CXCL16: variants seen among roughly 807,000 people sequenced by gnomAD.
CXCL16 encodes the protein C-X-C motif chemokine 16.
In CXCL16, 18 loss-of-function variants were observed where a neutral mutation model predicts 23.8. The ratio of observed to expected loss-of-function variants is 0.76; its 90% CI spans 0.52 to 1.12. CXCL16 has a LOEUF of 1.12. CXCL16 is among the 50% of genes most tolerant of loss of function. The probability of loss-of-function intolerance (pLI) is 0.00; values close to 1 mark genes in which losing one functional copy is unlikely to be tolerated. For synonymous variants in CXCL16, 123 were observed against 132.5 expected (o/e 0.93, Z 0.49); for missense variants, 297 against 315.4 (o/e 0.94, Z 0.44).
At chr17:4,734,511 T>A in intron 5 of CXCL16, 32 bp from the exon 6 acceptor site, 1 of 1,012,448 alleles carries the variant, frequency 9.9e-7, no homozygotes, top group Non-Finnish European at 1.6e-6. Context: ...CAAGTATGTA[T>A]ACAGTGCCTA....
In CXCL16 at chr17:4,735,106, G is replaced by A. The variant is rs754219984; in HGVS notation, c.704C>T (p.Pro235Leu). The A allele has an allele frequency of 2.9e-5, 47 of 1,609,268 alleles. No individual in the cohort carries two copies. Among genetic ancestry groups the A allele is most frequent in the African/African-American group, 1.2e-4 (9 of 74,858 alleles). The change falls in exon 4 of 6, where the codon CCG becomes CTG. Residue 235 changes from proline (P) to leucine (L), a missense_variant. By Grantham distance (98) the Pro-to-Leu change is moderately conservative (BLOSUM62 -3). Transcript: ENST00000293778. ...GTCCAGTTTACCTGGAGAGGACTGC[G>A]GTGACTGCCCCCTCCTCCTCTTGCA... is the stretch of plus-strand genomic sequence containing the variant. ...VLCKRRRGQSPQSSPDLPVHY... is the reference protein window; with the variant it reads ...VLCKRRRGQSLQSSPDLPVHY...
Position 4,739,254 on chromosome 17 carries a change from G to C in CXCL16, c.79+7C>G. On this transcript the variant is annotated splice_region_variant and intron_variant, in intron 1 of 5. Transcript: ENST00000293778. This position sits in a 1 kb window ranked among gnomAD's most constrained non-coding sequence, Gnocchi z 5.3. ...AATCTGGGTCCCCTGCCCCGCCCCC[G>C]GCTAACCTGGCTGAGTCAGGTACAC... 1 of 1,593,244 alleles carries C rather than the reference G, an allele frequency of 6.3e-7. No homozygotes were observed.
chr17:4,734,755 G>A lies in CXCL16; in HGVS notation c.719-103C>T, dbSNP rs1597497816. 5 of 1,002,826 alleles carry A rather than the reference G, an allele frequency of 5.0e-6. No homozygotes were observed. In the East Asian group the frequency reaches 1.2e-4, roughly 24 times the overall value. The allele number at this position is 1,002,826 out of a possible 1,614,324, so 62.1% of individuals were successfully genotyped here. On this transcript the variant is annotated intron_variant, in intron 4 of 5. Transcript: ENST00000293778. ...AATCAGATGAAGACATCAACACTAT[G>A]ACCTGGCCCACAGTAGGTGCTCAGT...
At chr17:4,734,503 A>C (rs1470392988) in intron 5 of CXCL16, 24 bp from the exon 6 acceptor site, 1 of 921,112 alleles carries the variant, frequency 1.1e-6, no homozygotes, top group African/African-American at 1.6e-5. Flanking sequence ...AACAAAAACA[A>C]GTATGTATAC....
chr17:4,739,374 A>T lies in CXCL16; in HGVS notation c.-35T>A. Reference sequence around the variant, plus strand: ...CCGCGGACTCTGCGGGGATGGAGCCACCTCGCTCTGACTCCCAGACATGCT... The same window carrying T: ...CCGCGGACTCTGCGGGGATGGAGCCTCCTCGCTCTGACTCCCAGACATGCT... On this transcript the variant is annotated 5_prime_UTR_variant, in exon 1 of 6. Coordinates refer to ENST00000293778, the MANE Select transcript of CXCL16 (RefSeq NM_001386809.1). The surrounding 1 kb of genome is among the most constrained non-coding windows in gnomAD (Gnocchi z 5.3). 3 of 1,612,102 alleles carry T rather than the reference A, an allele frequency of 1.9e-6. No individual in the cohort carries two copies. Among genetic ancestry groups the T allele is most frequent in the Non-Finnish European group, 2.5e-6 (3 of 1,179,580 alleles).
In CXCL16 at chr17:4,739,133, G is replaced by A; in HGVS notation, c.79+128C>T. 1 of 1,321,292 alleles carries A rather than the reference G, an allele frequency of 7.6e-7. No individual in the cohort carries two copies. Among genetic ancestry groups the A allele is most frequent in the Non-Finnish European group, 1.0e-6 (1 of 964,604 alleles). 81.8% of individuals were successfully genotyped at this position (1,321,292 alleles called of 1,614,324 possible). ...GGGCCTCTGTCCCCAACCCCAGGCG[G>A]CTGGCTGGCTTTCCTCTTGTCCCCG... On this transcript the variant is annotated intron_variant, in intron 1 of 5. Coordinates refer to ENST00000293778, the MANE Select transcript of CXCL16 (RefSeq NM_001386809.1). The surrounding 1 kb of genome is among the most constrained non-coding windows in gnomAD (Gnocchi z 5.3).
In CXCL16 at chr17:4,738,634, T is replaced by G; in HGVS notation, c.219-144A>C. On this transcript the variant is annotated intron_variant, in intron 2 of 5. Transcript: ENST00000293778. This position sits in a 1 kb window ranked among gnomAD's most constrained non-coding sequence, Gnocchi z 4.0. ...CTCCCCAGTAGGTGAGACGGAGTCA[T>G]GAAGTTTCGGGGAATGAGAGCAAAC... The G allele has an allele frequency of 9.8e-7, 1 of 1,022,392 alleles. No homozygotes were observed. The highest frequency in any genetic ancestry group is 1.4e-6 in the Non-Finnish European group (1 of 696,014). The allele number at this position is 1,022,392 out of a possible 1,614,324, so 63.3% of individuals were successfully genotyped here.
At chr17:4,737,729 AATATAC>A (rs1374394892) in intron 3 of CXCL16, among the ~76,000 whole-genome samples, 4 of 151,260 alleles carry the variant, frequency 2.6e-5, no homozygotes, top group Admixed American at 1.3e-4. Context: ...AAATATGTAA[AATATAC>A]ATATATAAAT....
At position 4,739,599 on chromosome 17, in the gene CXCL16, C is replaced by T. The variant is rs1468298752; in HGVS notation, c.-260G>A. 2.3e-5 allele frequency: 15 copies of T among 660,796 alleles called. No homozygotes were observed. In the South Asian group the frequency reaches 2.8e-4, roughly 12 times the overall value. The allele number at this position is 660,796 out of a possible 1,614,324, so 40.9% of individuals were successfully genotyped here. Reference sequence around the variant, plus strand: ...GTGGAGCTCCCGCGCCCTGCGCCCCCGCACTGGGCCCGGCTCCGTCGAGGG... The same window carrying T: ...GTGGAGCTCCCGCGCCCTGCGCCCCTGCACTGGGCCCGGCTCCGTCGAGGG... On this transcript the variant is annotated 5_prime_UTR_variant, in exon 1 of 6. Coordinates refer to ENST00000293778, the MANE Select transcript of CXCL16 (RefSeq NM_001386809.1). This position sits in a 1 kb window ranked among gnomAD's most constrained non-coding sequence, Gnocchi z 5.3.
In CXCL16 at chr17:4,738,702, G is replaced by A. The variant is rs1439186266; in HGVS notation, c.218+80C>T. ...CTCGGTGAGCCGGGAAGGAGTTCAG[G>A]CTGGACCAGAGAGGGTCCTGGAGGC... is the stretch of plus-strand genomic sequence containing the variant. On this transcript the variant is annotated intron_variant, in intron 2 of 5. Transcript: ENST00000293778. The surrounding 1 kb of genome is among the most constrained non-coding windows in gnomAD (Gnocchi z 4.0). The A allele has an allele frequency of 1.9e-5, 28 of 1,456,536 alleles. No individual in the cohort carries two copies. Among genetic ancestry groups the A allele is most frequent in the Admixed American group, 1.2e-4 (6 of 50,862 alleles). The allele number at this position is 1,456,536 out of a possible 1,614,324, so 90.2% of individuals were successfully genotyped here.
At position 4,739,349 on chromosome 17, in the gene CXCL16, C is replaced by A; in HGVS notation, c.-10G>T. On this transcript the variant is annotated 5_prime_UTR_variant, in exon 1 of 6. Transcript: ENST00000293778. The surrounding 1 kb of genome is among the most constrained non-coding windows in gnomAD (Gnocchi z 5.3). Reference sequence around the variant, plus strand: ...GCAAGTCCCGTCCCATCTCGGGGCTCCGCGGACTCTGCGGGGATGGAGCCA... The same window carrying A: ...GCAAGTCCCGTCCCATCTCGGGGCTACGCGGACTCTGCGGGGATGGAGCCA... The A allele has an allele frequency of 6.2e-7, 1 of 1,613,296 alleles. No homozygotes were observed. The highest frequency in any genetic ancestry group is 8.5e-7 in the Non-Finnish European group (1 of 1,179,822).
chr17:4,735,476 G>A lies in CXCL16; in HGVS notation c.334C>T (p.His112Tyr). ...CGHAYSGIVAHQKHLLPTSPP... is the reference protein window; with the variant it reads ...CGHAYSGIVAYQKHLLPTSPP... ...CTGGTAGGAAGTAAATGCTTCTGGT[G>A]GGCCACAATCCCCGAGTAAGCATGT... The change falls in exon 4 of 6, where the codon CAC (histidine) becomes TAC (tyrosine). Residue 112 changes from histidine to tyrosine, a missense_variant. Physicochemically the swap from His to Tyr is moderately conservative, Grantham distance 83. Coordinates refer to ENST00000293778, the MANE Select transcript of CXCL16 (RefSeq NM_001386809.1). 6.6e-7 allele frequency: 1 copy of A among 1,508,620 alleles called. No homozygotes were observed. Among genetic ancestry groups the A allele is most frequent in the Non-Finnish European group, 8.9e-7 (1 of 1,127,000 alleles). The allele number at this position is 1,508,620 out of a possible 1,614,324, so 93.5% of individuals were successfully genotyped here.
At position 4,733,876 on chromosome 17, in the gene CXCL16, G is replaced by A. The variant is rs1916071732; in HGVS notation, c.*627C>T. On this transcript the variant is annotated 3_prime_UTR_variant, in exon 6 of 6. Coordinates refer to ENST00000293778, the MANE Select transcript of CXCL16 (RefSeq NM_001386809.1). ...GGCTGAGGCCAGTTGTTTCCATAAA[G>A]AAGACTCAATCATTACAAAAATAAT... 6.6e-6 allele frequency: 1 copy of A among 152,570 alleles called. No homozygotes were observed. The highest frequency in any genetic ancestry group is 2.0e-4 in the South Asian group (1 of 4,978). 9.5% of individuals were successfully genotyped at this position (152,570 alleles called of 1,614,324 possible). A position where few individuals can be genotyped will look rare whatever the true frequency, so the allele number is the denominator to read the frequency against.
chr17:4,734,556 T>C, intron 5 of CXCL16, 27 bp downstream of exon 5: 1 of 1,478,164 alleles, frequency 6.8e-7, no homozygotes, highest in South Asian at 1.1e-5. Context: ...TTTATTACAC[T>C]TTTTGTAAGA....
intron 3 of CXCL16, among the ~76,000 whole-genome samples, chr17:4,736,684 TG>T (rs1222357844): frequency 6.6e-6 from 1 of 152,232 alleles, no homozygotes; most frequent in Non-Finnish European, 1.5e-5. Flanking sequence ...AAAGGCAGTA[TG>T]GATGACACAG....
Position 4,738,560 on chromosome 17 carries a change from G to A in CXCL16, c.219-70C>T. The A allele has an allele frequency of 1.6e-6, 2 of 1,283,994 alleles. No homozygotes were observed. The highest frequency in any genetic ancestry group is 4.4e-5 in the Admixed American group (2 of 45,180). The allele number at this position is 1,283,994 out of a possible 1,614,324, so 79.5% of individuals were successfully genotyped here. A position where few individuals can be genotyped will look rare whatever the true frequency, so the allele number is the denominator to read the frequency against. On this transcript the variant is annotated intron_variant, in intron 2 of 5. Coordinates refer to ENST00000293778, the MANE Select transcript of CXCL16 (RefSeq NM_001386809.1). This position sits in a 1 kb window ranked among gnomAD's most constrained non-coding sequence, Gnocchi z 4.0. The stretch of plus-strand genomic sequence containing the variant: ...TCCCCGGCTCCTTCCTCATTCCAGA[G>A]GCGTGAAGTTGCCACCAAGAAAGAG...
chr17:4,734,753 A>G, intron 4 of CXCL16, 101 bp from the exon 5 acceptor site: 1 of 1,021,812 alleles, frequency 9.8e-7, no homozygotes, highest in Non-Finnish European at 1.5e-6. Flanking sequence ...CATCAACACT[A>G]TGACCTGGCC....
chr17:4,735,571 G>A, intron 3 of CXCL16, 63 bp from the exon 4 acceptor site: 5 of 1,351,472 alleles, frequency 3.7e-6, no homozygotes, highest in Non-Finnish European at 4.0e-6. Flanking sequence ...GCAGATAGAG[G>A]TGTAGGGGAG....
At chr17:4,734,774 G>C in intron 4 of CXCL16, 122 bp from the exon 5 acceptor site, 1 of 865,720 alleles carries the variant, frequency 1.2e-6, no homozygotes, top group South Asian at 1.4e-5. Context: ...CACAGTAGGT[G>C]CTCAGTGAAA....
Sources: allele counts gnomAD v4.1 joint callset (sites outside exome capture counted in the v4.1 genomes callset), GRCh38; gene constraint gnomAD v4.1.1; non-coding constraint Gnocchi (gnomAD v3.1); transcripts MANE v1.5; gene names NCBI Gene and HGNC (gene_info 2026-07-23, HGNC 2026-07-21).